The following CSMD3 variants were observed in gnomAD, a reference collection of about 807,000 sequenced individuals.
CSMD3 encodes CUB and Sushi multiple domains 3, also known as CUB and sushi domain-containing protein 3.
In CSMD3, 177 loss-of-function variants were observed where a neutral mutation model predicts 435.2. The observed-to-expected ratio is 0.41, with a 90% CI of 0.36 to 0.46. The LOEUF (loss-of-function observed/expected upper bound fraction) is 0.46. Ranked by LOEUF, CSMD3 falls within the 20% of genes least tolerant of loss-of-function variation. The pLI is 0.34. For synonymous variants in CSMD3, 1,656 were observed against 1,520.5 expected, an observed-to-expected ratio of 1.09 and a Z score of -2.07; for missense variants, 4,265 against 4,504.6, an observed-to-expected ratio of 0.95 and a Z score of 1.52.
chr8:112,516,419 CA>C (rs1195246099), intron 28 of CSMD3, among the ~76,000 whole-genome samples: 1 of 151,962 alleles, frequency 6.6e-6, no homozygotes, highest in Non-Finnish European at 1.5e-5. Flanking sequence ...ATTTTTATTC[CA>C]AAAGCGGGAC....
intron 7 of CSMD3, among the ~76,000 whole-genome samples, chr8:112,966,027 G>A (rs2084402674): frequency 6.6e-6 from 1 of 151,474 alleles, no homozygotes; most frequent in Admixed American, 6.6e-5. Context: ...AAAGTCAAGA[G>A]AACAATGGAA....
intron 3 of CSMD3, among the ~76,000 whole-genome samples, chr8:113,254,748 T>C (rs181909817): frequency 1.3e-5 from 2 of 148,182 alleles, no homozygotes; most frequent in East Asian, 2.0e-4. Context: ...ATGAAGTATA[T>C]AAAAATAAAA....
At chr8:112,768,753 G>A (rs773071779) in intron 13 of CSMD3, among the ~76,000 whole-genome samples, 42 of 151,808 alleles carry the variant, frequency 2.8e-4, no homozygotes, top group Non-Finnish European at 5.2e-4. Flanking sequence ...TTTGCCCCAT[G>A]TTTCCCTCCA....
chr8:112,578,950 T>G (rs925712931), intron 23 of CSMD3, among the ~76,000 whole-genome samples: 1 of 152,070 alleles, frequency 6.6e-6, no homozygotes, highest in African/African-American at 2.4e-5. Context: ...AAATATACAA[T>G]ATTCATGACC....
intron 9 of CSMD3, among the ~76,000 whole-genome samples, chr8:112,941,672 A>G (rs1236812001): frequency 2.0e-5 from 3 of 151,828 alleles, no homozygotes; most frequent in Non-Finnish European, 4.4e-5. Context: ...CATGCTAGAG[A>G]AAGATTTTAG....
At chr8:112,939,917 T>C (rs772987749) in intron 9 of CSMD3, among the ~76,000 whole-genome samples, 17 of 151,988 alleles carry the variant, frequency 1.1e-4, no homozygotes, top group Non-Finnish European at 2.2e-4. Context: ...TTACAAATAC[T>C]TATAGCAGTA....
intron 9 of CSMD3, among the ~76,000 whole-genome samples, chr8:112,936,039 G>A (rs1381444371): frequency 6.6e-6 from 1 of 152,064 alleles, no homozygotes; most frequent in Non-Finnish European, 1.5e-5. Flanking sequence ...ATGGAGAGGT[G>A]CAACTAAGAG....
At chr8:112,519,576 T>C (rs533982779) in intron 27 of CSMD3, among the ~76,000 whole-genome samples, 7 of 152,276 alleles carry the variant, frequency 4.6e-5, no homozygotes, top group South Asian at 2.1e-4. Flanking sequence ...GAAATAATAA[T>C]AGTCACACAG....
chr8:112,474,415 T>C (rs1044020389), intron 31 of CSMD3, among the ~76,000 whole-genome samples: 3 of 152,098 alleles, frequency 2.0e-5, no homozygotes, highest in Non-Finnish European at 2.9e-5. Flanking sequence ...ATGTATAAAG[T>C]AGTTTGGAGA....
chr8:113,406,941 T>C (rs2094535479), intron 1 of CSMD3, among the ~76,000 whole-genome samples: 1 of 152,084 alleles, frequency 6.6e-6, no homozygotes, highest in Non-Finnish European at 1.5e-5. Flanking sequence ...TAATGGTCTC[T>C]GATGTAACAC....
At chr8:112,506,426 A>G (rs1023172548) in intron 29 of CSMD3, among the ~76,000 whole-genome samples, 7 of 152,090 alleles carry the variant, frequency 4.6e-5, no homozygotes, top group East Asian at 3.9e-4. Context: ...AACACTTCCA[A>G]TGAAATCTTC....
intron 6 of CSMD3, among the ~76,000 whole-genome samples, chr8:112,977,714 C>A (rs150148982): frequency 6.6e-6 from 1 of 151,900 alleles, no homozygotes; most frequent in East Asian, 1.9e-4. Context: ...TGAGGTATGA[C>A]GATTATCAAA....
At chr8:113,324,729 G>A (rs1755859681) in intron 1 of CSMD3, among the ~76,000 whole-genome samples, 1 of 152,156 alleles carries the variant, frequency 6.6e-6, no homozygotes, top group Admixed American at 6.5e-5. Flanking sequence ...CCATCCTCCA[G>A]ACCACAGAAT....
chr8:113,030,972 G>C (rs1323421478), intron 5 of CSMD3, among the ~76,000 whole-genome samples: 2 of 151,486 alleles, frequency 1.3e-5, no homozygotes, highest in Non-Finnish European at 3.0e-5. Context: ...TACCAGAATG[G>C]CTAAAATTAA....
chr8:112,297,649 G>A (rs1820446694), intron 53 of CSMD3, among the ~76,000 whole-genome samples: 1 of 152,102 alleles, frequency 6.6e-6, no homozygotes, highest in African/African-American at 2.4e-5. Context: ...ACAGCACAAT[G>A]TTGGGAAACA....
chr8:112,754,876 T>C (rs1401401035), intron 13 of CSMD3, among the ~76,000 whole-genome samples: 1 of 152,186 alleles, frequency 6.6e-6, no homozygotes, highest in Non-Finnish European at 1.5e-5. Context: ...ACTCTATAGA[T>C]GAAGACATGT....
At chr8:112,900,080 T>C (rs2082070837) in intron 10 of CSMD3, among the ~76,000 whole-genome samples, 1 of 151,178 alleles carries the variant, frequency 6.6e-6, no homozygotes, top group South Asian at 2.1e-4. Flanking sequence ...AGTAACACTT[T>C]CTCTGTGCTC....
chr8:112,337,595 T>C lies in CSMD3; in HGVS notation c.6789A>G (p.Thr2263=), dbSNP rs1187403753. 4 of 1,613,902 alleles carry C rather than the reference T, an allele frequency of 2.5e-6. No homozygotes were observed. The highest frequency in any genetic ancestry group is 1.1e-5 in the South Asian group (1 of 91,078). ...GYTLIGNSAL[T]CLHGVSRNWN... is the part of the protein sequence containing the mutation. ...AATTACGACTGACTCCGTGAAGGCA[T>C]GTGAGAGCTGAATTTCCAATTAATG... The change falls in exon 43 of 71, where the codon ACA becomes ACG. Residue 2263 remains threonine (T), a synonymous_variant. Coordinates refer to ENST00000297405, the MANE Select transcript of CSMD3 (RefSeq NM_198123.2).
rs143359164 is a variant in CSMD3, at chr8:113,434,765, G to A, written c.178+1912C>T. On this transcript the variant is annotated intron_variant, in intron 1 of 70. Coordinates refer to ENST00000297405, the MANE Select transcript of CSMD3 (RefSeq NM_198123.2). ...ATTAACGCGCCTTTCCTTTCTATCG[G>A]CGCATCTCATTCGGAAAATACGGTA... Among the ~76,000 whole-genome samples the A allele has an allele frequency of 1.0e-3, 152 of 152,176 alleles. 2 individuals carry two copies. In the East Asian group the frequency reaches 0.027, roughly 27 times the overall value.
Sources: allele counts gnomAD v4.1 joint callset (sites outside exome capture counted in the v4.1 genomes callset), GRCh38; gene constraint gnomAD v4.1.1; transcripts MANE v1.5; gene names NCBI Gene and HGNC (gene_info 2026-07-23, HGNC 2026-07-21).